Variants in HSPA13 observed in about 807,000 individuals in gnomAD.
The protein encoded by HSPA13 is heat shock 70 kDa protein 13.
A neutral mutation model predicts 38.8 loss-of-function variants in HSPA13; 29 were observed. That is an observed-to-expected ratio of 0.75 (90% CI 0.56 to 1.02). HSPA13 has a LOEUF of 1.02. HSPA13 is among the 50% of genes least tolerant of loss of function. The pLI is 0.00. For synonymous variants in HSPA13, 192 were observed against 205.3 expected, an observed-to-expected ratio of 0.94 and a Z score of 0.56; for missense variants, 451 against 560.9, an observed-to-expected ratio of 0.80 and a Z score of 1.98.
rs538896478 is a variant in HSPA13, at chr21:14,381,623, T to A, written c.26-80A>T. 317 of 1,214,008 alleles carry A rather than the reference T, an allele frequency of 2.6e-4. 2 individuals carry two copies. Among genetic ancestry groups the A allele is most frequent in the African/African-American group, 1.8e-3 (121 of 65,592 alleles). The allele number at this position is 1,214,008 out of a possible 1,614,324, so 75.2% of individuals were successfully genotyped here. On this transcript the variant is annotated intron_variant, in intron 1 of 4. Transcript: ENST00000285667. ...AATTACTGTAGCAAAGTCCCTTTAA[T>A]ATCACTCGTTGAAACAAGGCTAAAA...
chr21:14,378,874 T>A (rs1984099965), intron 2 of HSPA13, among the ~76,000 whole-genome samples: 1 of 152,006 alleles, frequency 6.6e-6, no homozygotes, highest in Non-Finnish European at 1.5e-5. Context: ...CACCTCAGCC[T>A]CCCAAAGTGC....
intron 3 of HSPA13, 76 bp from the exon 4 acceptor site, chr21:14,375,895 T>C: frequency 8.5e-7 from 1 of 1,170,780 alleles, no homozygotes; most frequent in Non-Finnish European, 1.2e-6. Context: ...ACAGCATGTT[T>C]GTGTCTTCTG....
intron 3 of HSPA13, among the ~76,000 whole-genome samples, chr21:14,377,366 G>A (rs1466757388): frequency 2.0e-5 from 3 of 152,034 alleles, no homozygotes; most frequent in African/African-American, 4.8e-5. Flanking sequence ...TAACATTAAC[G>A]GAATTTAGAA....
In HSPA13 at chr21:14,373,360, C is replaced by T. The variant is rs1982872780; in HGVS notation, c.*257G>A. On this transcript the variant is annotated 3_prime_UTR_variant, in exon 5 of 5. Coordinates refer to ENST00000285667, the MANE Select transcript of HSPA13 (RefSeq NM_006948.5). The stretch of plus-strand genomic sequence containing the variant: ...AATCCAGAAAATATAGTTATCCATA[C>T]TCTTTTAAGAGAGTTGTACCTCAAT... 1.3e-5 allele frequency: 5 copies of T among 384,314 alleles called. No homozygotes were observed. In the South Asian group the frequency reaches 2.1e-4, roughly 16 times the overall value. The allele number at this position is 384,314 out of a possible 1,614,324, so 23.8% of individuals were successfully genotyped here. A position where few individuals can be genotyped will look rare whatever the true frequency, so the allele number is the denominator to read the frequency against.
At chr21:14,380,202 T>G (rs1984132644) in intron 2 of HSPA13, among the ~76,000 whole-genome samples, 1 of 149,296 alleles carries the variant, frequency 6.7e-6, no homozygotes, top group Non-Finnish European at 1.5e-5. Flanking sequence ...TAGGATGGGA[T>G]AGGCTACAGT....
chr21:14,376,206 T>C (rs191012557), intron 3 of HSPA13, among the ~76,000 whole-genome samples: 2 of 152,198 alleles, frequency 1.3e-5, no homozygotes, highest in Admixed American at 6.5e-5. Flanking sequence ...GGTCAGGAGA[T>C]CAAGAGACCC....
intron 4 of HSPA13, among the ~76,000 whole-genome samples, chr21:14,374,753 T>C (rs1054314220): frequency 1.3e-5 from 2 of 152,190 alleles, no homozygotes; most frequent in African/African-American, 4.8e-5. Context: ...GATTGGCTTA[T>C]AAGTAGCTAT....
At chr21:14,378,644 G>A (rs1171224827) in intron 2 of HSPA13, among the ~76,000 whole-genome samples, 1 of 149,038 alleles carries the variant, frequency 6.7e-6, no homozygotes, top group Non-Finnish European at 1.5e-5. Flanking sequence ...TTTTGAGATG[G>A]AGTCTTGCTC....
chr21:14,371,400 T>G lies in HSPA13; in HGVS notation c.*2217A>C, dbSNP rs1982824121. 6.6e-6 allele frequency: 1 copy of G among 152,390 alleles called. No individual in the cohort carries two copies. The highest frequency in any genetic ancestry group is 1.5e-5 in the Non-Finnish European group (1 of 67,996). 9.4% of individuals were successfully genotyped at this position (152,390 alleles called of 1,614,324 possible). On this transcript the variant is annotated 3_prime_UTR_variant, in exon 5 of 5. Transcript: ENST00000285667. ...ACTGGCTAAATGTACAACTAAAGTT[T>G]ATTAATTTTTTTTATGAAAAGACTT...
At chr21:14,381,635 AAAC>A (rs1984173207) in intron 1 of HSPA13, 92 bp from the exon 2 acceptor site, 1 of 1,145,942 alleles carries the variant, frequency 8.7e-7, no homozygotes, top group Non-Finnish European at 1.2e-6. Flanking sequence ...TCACTCGTTG[AAAC>A]AAGGCTAAAA....
At chr21:14,378,071 C>T (rs1173249439) in intron 3 of HSPA13, 128 bp downstream of exon 3, 4 of 673,128 alleles carry the variant, frequency 5.9e-6, no homozygotes, top group East Asian at 2.7e-5. Context: ...AACCCTAATA[C>T]ACCTACCATA....
intron 3 of HSPA13, among the ~76,000 whole-genome samples, chr21:14,376,829 T>C: frequency 6.6e-6 from 1 of 152,246 alleles, no homozygotes; most frequent in East Asian, 1.9e-4. Context: ...TGCTTAAATG[T>C]TACTTTCTCA....
At chr21:14,380,119 GAAA>G (rs199539653) in intron 2 of HSPA13, among the ~76,000 whole-genome samples, 2 of 147,312 alleles carry the variant, frequency 1.4e-5, no homozygotes, top group African/African-American at 5.0e-5. Context: ...ATGTTTAAAA[GAAA>G]AAAAAAGCAG....
intron 4 of HSPA13, 135 bp from the exon 5 acceptor site, chr21:14,374,419 A>G: frequency 1.5e-6 from 1 of 683,930 alleles, no homozygotes; most frequent in East Asian, 2.8e-5. Flanking sequence ...AATTTTATTC[A>G]TACAGAGACT....
chr21:14,378,782 G>A (rs1250603519), intron 2 of HSPA13, among the ~76,000 whole-genome samples: 1 of 151,848 alleles, frequency 6.6e-6, no homozygotes, highest in African/African-American at 2.4e-5. Flanking sequence ...ACCATGCCTG[G>A]TTAATTTTTG....
rs1490908476 is a variant in HSPA13 at position 14,381,190 on chromosome 21, A to G, written c.366+13T>C. 1.9e-5 allele frequency: 29 copies of G among 1,559,686 alleles called. No homozygotes were observed. Among genetic ancestry groups the G allele is most frequent in the Non-Finnish European group, 2.4e-5 (28 of 1,146,678 alleles). ...ACACTAAAATTAATATAGATTTTAG[A>G]TTAATCACTTACCTTAAATGGGTAT... is the stretch of plus-strand genomic sequence containing the variant. On this transcript the variant is annotated intron_variant, in intron 2 of 4. Transcript: ENST00000285667.
chr21:14,375,082 G>A (rs1025990600), intron 4 of HSPA13, among the ~76,000 whole-genome samples: 5 of 152,134 alleles, frequency 3.3e-5, no homozygotes, highest in Admixed American at 1.3e-4. Flanking sequence ...TTAAAAAAGG[G>A]TTTAGAATGC....
intron 1 of HSPA13, among the ~76,000 whole-genome samples, chr21:14,382,471 A>G (rs1406125091): frequency 6.6e-6 from 1 of 152,172 alleles, no homozygotes; most frequent in Non-Finnish European, 1.5e-5. Flanking sequence ...TATGACCCAA[A>G]ACATGAATTT....
intron 3 of HSPA13, among the ~76,000 whole-genome samples, chr21:14,376,515 T>C (rs1004920368): frequency 2.0e-5 from 3 of 152,256 alleles, no homozygotes; most frequent in African/African-American, 7.2e-5. Flanking sequence ...CAGGTTTCTT[T>C]GAATGAAATT....
Sources: gnomAD v4.1 joint callset for allele counts (sites outside exome capture counted in the v4.1 genomes callset) on GRCh38, gnomAD v4.1.1 for gene constraint, MANE v1.5 for transcripts, NCBI Gene and HGNC (gene_info 2026-07-23, HGNC 2026-07-21) for gene names.